The following OTOGL variants were observed in gnomAD, a reference collection of about 807,000 sequenced individuals.
The protein encoded by OTOGL is otogelin-like protein.
A neutral mutation model predicts 318.5 loss-of-function variants in OTOGL; 285 were observed. The observed-to-expected ratio is 0.89, with a 90% CI of 0.81 to 0.99. The LOEUF is 0.99. Among genes scored for constraint, OTOGL ranks in the 50% least tolerant of loss-of-function variants. OTOGL has a pLI of 0.00. For missense variants in OTOGL, 2,899 were observed against 2,845.6 expected (o/e 1.02, Z -0.43); for synonymous variants, 987 against 936.5 (o/e 1.05, Z -0.99).
rs1882036051 is a variant in OTOGL, at chr12:80,256,325, A to G, written c.1588-12A>G. On this transcript the variant is annotated splice_polypyrimidine_tract_variant and intron_variant, in intron 16 of 58. Transcript: ENST00000547103. ...TCCCATTCCTTGCATTGATAATTTG[A>G]TTTTTACGCAGAATCTTGGCTTGGT... The G allele has an allele frequency of 1.3e-6, 2 of 1,590,252 alleles. No individual in the cohort carries two copies. Among genetic ancestry groups the G allele is most frequent in the Admixed American group, 1.7e-5 (1 of 59,514 alleles).
intron 26 of OTOGL, among the ~76,000 whole-genome samples, chr12:80,281,320 T>G (rs1030842548): frequency 2.0e-5 from 3 of 151,930 alleles, no homozygotes; most frequent in Non-Finnish European, 4.4e-5. Flanking sequence ...GGAATGATGT[T>G]GGTTGTGGGT....
chr12:80,149,238 G>C (rs1041596877), intron 1 of OTOGL, among the ~76,000 whole-genome samples: 4 of 152,106 alleles, frequency 2.6e-5, no homozygotes, highest in African/African-American at 9.7e-5. Context: ...TTTTGGTGTG[G>C]ATGTCCTTTC....
intron 19 of OTOGL, among the ~76,000 whole-genome samples, chr12:80,264,133 A>G (rs2137554414): frequency 6.6e-6 from 1 of 152,300 alleles, no homozygotes; most frequent in South Asian, 2.1e-4. Flanking sequence ...AATGACAATG[A>G]AAAGATTGAT....
intron 53 of OTOGL, 150 bp from the exon 54 acceptor site, chr12:80,367,411 C>T (rs1890610676): frequency 1.9e-6 from 1 of 521,928 alleles, no homozygotes; most frequent in African/African-American, 2.0e-5. Context: ...AAATATTGGG[C>T]CATTAAAATA....
intron 34 of OTOGL, 120 bp from the exon 35 acceptor site, chr12:80,323,603 A>G: frequency 1.4e-6 from 1 of 726,156 alleles, no homozygotes; most frequent in South Asian, 1.9e-5. Context: ...GAATCGAAAT[A>G]GTGCCACTGC....
chr12:80,192,768 A>C (rs987728832), intron 1 of OTOGL, among the ~76,000 whole-genome samples: 3 of 152,226 alleles, frequency 2.0e-5, no homozygotes. Context: ...AAATTAAAAA[A>C]ATTCTGATAA....
intron 18 of OTOGL, among the ~76,000 whole-genome samples, chr12:80,258,569 C>G (rs1169292161): frequency 1.3e-5 from 2 of 152,096 alleles, no homozygotes; most frequent in African/African-American, 4.8e-5. Flanking sequence ...TGACCAGGTA[C>G]TTTTCACCTA....
intron 13 of OTOGL, 126 bp downstream of exon 13, chr12:80,252,327 T>C (rs1881643516): frequency 9.2e-7 from 1 of 1,086,180 alleles, no homozygotes; most frequent in Admixed American, 3.7e-5. Flanking sequence ...TCTGTTCTTG[T>C]AGAAGTTGGT....
intron 26 of OTOGL, among the ~76,000 whole-genome samples, chr12:80,287,987 T>C (rs935317141): frequency 1.3e-4 from 20 of 152,212 alleles, no homozygotes; most frequent in African/African-American, 4.8e-4. Context: ...AGTTTCTTCA[T>C]CGTGTCATTG....
intron 8 of OTOGL, among the ~76,000 whole-genome samples, chr12:80,231,786 A>G (rs1592580355): frequency 6.7e-6 from 1 of 149,294 alleles, no homozygotes; most frequent in East Asian, 2.0e-4. Flanking sequence ...AGGCACGTGC[A>G]CCATGACCAA....
At chr12:80,351,384 C>T (rs549164902) in intron 44 of OTOGL, among the ~76,000 whole-genome samples, 12 of 152,004 alleles carry the variant, frequency 7.9e-5, no homozygotes, top group South Asian at 6.2e-4. Flanking sequence ...GGTGCGATCT[C>T]GGCTCACTGC....
chr12:80,326,465 G>A (rs1264790417), intron 35 of OTOGL, among the ~76,000 whole-genome samples: 1 of 152,096 alleles, frequency 6.6e-6, no homozygotes, highest in Non-Finnish European at 1.5e-5. Context: ...ACATTTTAAG[G>A]AACAGGTTAA....
At chr12:80,143,872 G>C (rs1872122787) in intron 1 of OTOGL, among the ~76,000 whole-genome samples, 1 of 152,062 alleles carries the variant, frequency 6.6e-6, no homozygotes, top group Non-Finnish European at 1.5e-5. Context: ...TGCTCATGTA[G>C]TATGCTATTC....
At chr12:80,194,254 T>C (rs1013117737) in intron 1 of OTOGL, among the ~76,000 whole-genome samples, 10 of 152,248 alleles carry the variant, frequency 6.6e-5, no homozygotes, top group African/African-American at 2.4e-4. Flanking sequence ...GATAGCCTAA[T>C]ATTCATTTTA....
intron 7 of OTOGL, among the ~76,000 whole-genome samples, 157 bp downstream of exon 7, chr12:80,222,402 CACTT>C (rs998319542): frequency 2.0e-5 from 3 of 152,244 alleles, no homozygotes; most frequent in Non-Finnish European, 4.4e-5. Flanking sequence ...ATATTACTCA[CACTT>C]CCTTCCTTCC....
intron 26 of OTOGL, among the ~76,000 whole-genome samples, chr12:80,287,074 C>A (rs547649094): frequency 6.6e-6 from 1 of 151,896 alleles, no homozygotes; most frequent in Non-Finnish European, 1.5e-5. Context: ...TTAGCTGTGT[C>A]CCAGAGATTC....
chr12:80,100,867 G>A (rs1033998450), intron 1 of OTOGL, among the ~76,000 whole-genome samples: 1 of 150,900 alleles, frequency 6.6e-6, no homozygotes, highest in African/African-American at 2.4e-5. Context: ...TTTTTCCCAT[G>A]TGTTTCCCAT....
chr12:80,224,944 A>G (rs1878690372), intron 7 of OTOGL, among the ~76,000 whole-genome samples: 1 of 152,084 alleles, frequency 6.6e-6, no homozygotes, highest in Admixed American at 6.6e-5. Flanking sequence ...GGGGATGCAT[A>G]TGTCTTTCTC....
At chr12:80,229,433 CA>C (rs975183283) in intron 8 of OTOGL, 55 bp downstream of exon 8, 1 of 1,529,164 alleles carries the variant, frequency 6.5e-7, no homozygotes, top group Non-Finnish European at 8.9e-7. Flanking sequence ...ATAGAATTTC[CA>C]AACATCACAT....
Sources: gnomAD v4.1 joint callset for allele counts (sites outside exome capture counted in the v4.1 genomes callset) on GRCh38, gnomAD v4.1.1 for gene constraint, MANE v1.5 for transcripts, NCBI Gene and HGNC (gene_info 2026-07-23, HGNC 2026-07-21) for gene names.